The following TMEM266 variants were observed in gnomAD, a reference collection of about 807,000 sequenced individuals.
The protein encoded by TMEM266 is Hv1 related protein 1.
In TMEM266, 33 loss-of-function variants were observed where a neutral mutation model predicts 50.5. That is an observed-to-expected ratio of 0.65 (90% confidence interval 0.50 to 0.87). The LOEUF (loss-of-function observed/expected upper bound fraction) is 0.87. Ranked by LOEUF, TMEM266 falls within the 40% of genes least tolerant of loss-of-function variation. The pLI is 0.00. For missense variants in TMEM266, 655 were observed against 695.1 expected (o/e 0.94, Z 0.65); for synonymous variants, 310 against 292.3 (o/e 1.06, Z -0.62).
chr15:76,128,533 G>A (rs1428976477), intron 1 of TMEM266, among the ~76,000 whole-genome samples: 4 of 152,194 alleles, frequency 2.6e-5, no homozygotes, highest in Admixed American at 1.3e-4. Context: ...CAGGTTTATG[G>A]AATAGCAGGT....
At chr15:76,085,061 G>A (rs529289201) in intron 1 of TMEM266, among the ~76,000 whole-genome samples, 2 of 151,358 alleles carry the variant, frequency 1.3e-5, no homozygotes, top group Admixed American at 6.6e-5. Context: ...CCAGGTTCAC[G>A]GCATTCTCCT....
intron 1 of TMEM266, among the ~76,000 whole-genome samples, chr15:76,068,065 A>G (rs1213706541): frequency 6.6e-6 from 1 of 152,192 alleles, no homozygotes; most frequent in African/African-American, 2.4e-5. Flanking sequence ...GCTCTTAGAA[A>G]ATTTAGCTGG....
chr15:76,156,789 A>T, intron 4 of TMEM266, 31 bp downstream of exon 4: 2 of 1,600,988 alleles, frequency 1.2e-6, no homozygotes, highest in Non-Finnish European at 1.7e-6. Context: ...ATATGCCAAT[A>T]CATATGATGT....
intron 5 of TMEM266, among the ~76,000 whole-genome samples, chr15:76,163,589 C>T (rs762464771): frequency 2.2e-4 from 33 of 152,342 alleles, no homozygotes; most frequent in African/African-American, 6.7e-4. Context: ...AGCGCAGCCC[C>T]GCCCTTGGCT....
At chr15:76,129,024 C>T (rs2037464497) in intron 1 of TMEM266, among the ~76,000 whole-genome samples, 2 of 152,246 alleles carry the variant, frequency 1.3e-5, no homozygotes, top group South Asian at 4.1e-4. Flanking sequence ...AAGCATTTTC[C>T]TTCTTTGCTT....
chr15:76,117,695 G>A (rs2037272598), intron 1 of TMEM266, among the ~76,000 whole-genome samples: 1 of 152,222 alleles, frequency 6.6e-6, no homozygotes, highest in Non-Finnish European at 1.5e-5. Context: ...TGGAGGTGGA[G>A]AAGGATTTTG....
In TMEM266 at chr15:76,160,226, A is replaced by G. The variant is rs2037996806; in HGVS notation, c.456+58A>G. The stretch of plus-strand genomic sequence containing the variant: ...TGTTGGGTGACTCCTGTCCTGGGGA[A>G]ACCAAGGTCTACTTCTCGAAATGGT... On this transcript the variant is annotated intron_variant, in intron 5 of 10. Coordinates refer to ENST00000388942, the MANE Select transcript of TMEM266 (RefSeq NM_152335.3). This position sits in a 1 kb window ranked among gnomAD's most constrained non-coding sequence, Gnocchi z 5.7. The G allele has an allele frequency of 2.0e-6, 3 of 1,518,566 alleles. No homozygotes were observed. The highest frequency in any genetic ancestry group is 2.7e-6 in the Non-Finnish European group (3 of 1,096,300). 94.1% of individuals were successfully genotyped at this position (1,518,566 alleles called of 1,614,324 possible).
intron 1 of TMEM266, among the ~76,000 whole-genome samples, chr15:76,075,942 C>G (rs1298817727): frequency 6.9e-6 from 1 of 144,050 alleles, no homozygotes; most frequent in Non-Finnish European, 1.5e-5. Context: ...CTGCTGCAGC[C>G]TCCATCTTCC....
chr15:76,176,718 C>T (rs970037608), intron 8 of TMEM266, among the ~76,000 whole-genome samples: 4 of 152,168 alleles, frequency 2.6e-5, no homozygotes, highest in Admixed American at 1.3e-4. Flanking sequence ...TGCCCGTGGC[C>T]GCATATTGAT....
At chr15:76,086,846 A>G (rs981894596) in intron 1 of TMEM266, among the ~76,000 whole-genome samples, 1 of 151,212 alleles carries the variant, frequency 6.6e-6, no homozygotes, top group Non-Finnish European at 1.5e-5. Flanking sequence ...CTTGGCCCAT[A>G]ACCAGCCTGA....
At chr15:76,178,028 G>A (rs1169423919) in intron 8 of TMEM266, among the ~76,000 whole-genome samples, 2 of 152,152 alleles carry the variant, frequency 1.3e-5, no homozygotes, top group Non-Finnish European at 2.9e-5. Context: ...GTGCGAGTGG[G>A]TGCAGTGCCC....
At chr15:76,094,442 T>C (rs2036895088) in intron 1 of TMEM266, among the ~76,000 whole-genome samples, 1 of 152,126 alleles carries the variant, frequency 6.6e-6, no homozygotes, top group South Asian at 2.1e-4. Flanking sequence ...GTGGTGTTAC[T>C]TCTGAGGTTG....
intron 3 of TMEM266, among the ~76,000 whole-genome samples, chr15:76,141,163 T>G (rs1414691323): frequency 6.6e-6 from 1 of 152,122 alleles, no homozygotes; most frequent in Admixed American, 6.5e-5. Flanking sequence ...TGGCTGTGAC[T>G]GTGGGTAACA....
intron 9 of TMEM266, among the ~76,000 whole-genome samples, chr15:76,198,932 G>GGGCTCTCAGACTCACGCCTTAAAGCTC (rs1555453567): frequency 2.0e-5 from 3 of 152,198 alleles, no homozygotes; most frequent in Non-Finnish European, 4.4e-5. Context: ...GGAGCAGAGG[G>GGGCTCTCAGACTCACGCCTTAAAGCTC]AGTAGGGACA....
At chr15:76,198,381 CGGG>C (rs35815609) in intron 9 of TMEM266, among the ~76,000 whole-genome samples, 33,514 of 152,086 alleles carry the variant, frequency 0.22, 3,889 homozygotes, top group African/African-American at 0.28. Flanking sequence ...AGCAAACTCC[CGGG>C]GGCAGGGGCT....
intron 1 of TMEM266, among the ~76,000 whole-genome samples, chr15:76,086,279 A>G (rs755640267): frequency 6.6e-6 from 1 of 152,212 alleles, no homozygotes; most frequent in Non-Finnish European, 1.5e-5. Flanking sequence ...AGAATAATCC[A>G]TGCCATAGGA....
intron 3 of TMEM266, among the ~76,000 whole-genome samples, chr15:76,150,229 C>T (rs2037817420): frequency 6.6e-6 from 1 of 152,176 alleles, no homozygotes; most frequent in Non-Finnish European, 1.5e-5. Context: ...GAGAGCTCTG[C>T]AGTCCAGAAA....
intron 3 of TMEM266, among the ~76,000 whole-genome samples, chr15:76,142,581 T>G (rs2037697103): frequency 6.6e-6 from 1 of 152,214 alleles, no homozygotes; most frequent in Non-Finnish European, 1.5e-5. Context: ...TCTCCTTGTC[T>G]TCACCAACAC....
chr15:76,184,710 G>A (rs115098170), intron 8 of TMEM266, among the ~76,000 whole-genome samples: 3,040 of 152,278 alleles, frequency 0.02, 96 homozygotes, highest in African/African-American at 0.07. Flanking sequence ...GAAGCGCTGG[G>A]TGTGCCCGTC....
Sources: gnomAD v4.1 joint callset for allele counts (sites outside exome capture counted in the v4.1 genomes callset) on GRCh38, gnomAD v4.1.1 for gene constraint, Gnocchi (gnomAD v3.1) non-coding constraint, MANE v1.5 for transcripts, NCBI Gene and HGNC (gene_info 2026-07-23, HGNC 2026-07-21) for gene names.